RTN4RL1: variants seen among roughly 807,000 people sequenced by gnomAD.
RTN4RL1 encodes reticulon 4 receptor like 1.
In RTN4RL1, 7 loss-of-function variants were observed where a neutral mutation model predicts 25.6. The observed-to-expected ratio is 0.27, with a 90% CI of 0.16 to 0.51. The LOEUF (loss-of-function observed/expected upper bound fraction) is 0.51. Among genes scored for constraint, RTN4RL1 ranks in the 20% least tolerant of loss-of-function variants. RTN4RL1 has a pLI of 0.97. For synonymous variants in RTN4RL1, 297 were observed against 288.2 expected (o/e 1.03, Z -0.31); for missense variants, 500 against 615.6 (o/e 0.81, Z 1.99).
Position 1,936,321 on chromosome 17 carries a change from G to A in RTN4RL1, c.*175C>T. 7.0e-7 allele frequency: 1 copy of A among 1,422,644 alleles called. No homozygotes were observed. Among genetic ancestry groups the A allele is most frequent in the Non-Finnish European group, 9.1e-7 (1 of 1,094,890 alleles). The allele number at this position is 1,422,644 out of a possible 1,614,324, so 88.1% of individuals were successfully genotyped here. On this transcript the variant is annotated 3_prime_UTR_variant, in exon 2 of 2. Coordinates refer to ENST00000331238, the MANE Select transcript of RTN4RL1 (RefSeq NM_178568.4). ...GCGCCACCCCCTCCCGCCTAGGGCT[G>A]TACACTTTGGGTTTATAATCCACAT...
chr17:1,951,412 G>C (rs1915675738), intron 1 of RTN4RL1, among the ~76,000 whole-genome samples: 1 of 152,182 alleles, frequency 6.6e-6, no homozygotes, highest in Admixed American at 6.5e-5. Flanking sequence ...CCAGGAAAGT[G>C]TGGCTTTACC....
intron 1 of RTN4RL1, among the ~76,000 whole-genome samples, chr17:1,999,931 G>A (rs1166096455): frequency 5.3e-5 from 8 of 152,242 alleles, no homozygotes; most frequent in Non-Finnish European, 1.2e-4. Flanking sequence ...CCCCAGGGGG[G>A]CAGGCAGTGG....
chr17:2,014,093 T>C (rs2067087527), intron 1 of RTN4RL1, among the ~76,000 whole-genome samples: 1 of 152,214 alleles, frequency 6.6e-6, no homozygotes, highest in South Asian at 2.1e-4. Context: ...GCTGTGCTTC[T>C]GGGAAAATCT....
intron 1 of RTN4RL1, among the ~76,000 whole-genome samples, chr17:1,941,199 C>T (rs989241361): frequency 2.0e-5 from 3 of 152,170 alleles, no homozygotes; most frequent in African/African-American, 7.2e-5. Context: ...AAGCTAATAG[C>T]GGGTCCCACG....
chr17:1,935,661 G>A lies in RTN4RL1; in HGVS notation c.*835C>T. 1.0e-6 allele frequency: 1 copy of A among 968,496 alleles called. No individual in the cohort carries two copies. Among genetic ancestry groups the A allele is most frequent in the Non-Finnish European group, 1.2e-6 (1 of 823,364 alleles). The allele number at this position is 968,496 out of a possible 1,614,324, so 60.0% of individuals were successfully genotyped here. A position where few individuals can be genotyped will look rare whatever the true frequency, so the allele number is the denominator to read the frequency against. ...AGTTTTCTGTATAGTTTATAAACATGAAAAGACGTACAGTTAGGTAACGGA... is the reference window on the plus strand; with the variant it reads ...AGTTTTCTGTATAGTTTATAAACATAAAAAGACGTACAGTTAGGTAACGGA... On this transcript the variant is annotated 3_prime_UTR_variant, in exon 2 of 2. Coordinates refer to ENST00000331238, the MANE Select transcript of RTN4RL1 (RefSeq NM_178568.4).
chr17:2,021,687 TG>T (rs2067205800), intron 1 of RTN4RL1, among the ~76,000 whole-genome samples: 1 of 151,168 alleles, frequency 6.6e-6, no homozygotes, highest in South Asian at 2.1e-4. Flanking sequence ...CCCAAGGAGC[TG>T]GGATTACAGG....
intron 1 of RTN4RL1, chr17:2,019,580 CT>C: frequency 6.6e-6 from 1 of 152,488 alleles, no homozygotes; most frequent in Non-Finnish European, 1.5e-5. Context: ...CTTCCCCTGC[CT>C]TTTCCTCCTG....
chr17:1,958,310 C>T (rs4609888), intron 1 of RTN4RL1, among the ~76,000 whole-genome samples: 32,256 of 152,162 alleles, frequency 0.21, 3,887 homozygotes, highest in East Asian at 0.53. Flanking sequence ...CCTTAGAGGC[C>T]GCTGCTGCAC....
chr17:1,965,170 C>T (rs2066785122), intron 1 of RTN4RL1, among the ~76,000 whole-genome samples: 2 of 148,956 alleles, frequency 1.3e-5, no homozygotes, highest in African/African-American at 2.5e-5. Context: ...AGTGCAATGG[C>T]GCGATCTCAC....
chr17:1,951,704 C>T (rs1323596830), intron 1 of RTN4RL1, among the ~76,000 whole-genome samples: 2 of 152,036 alleles, frequency 1.3e-5, no homozygotes, highest in East Asian at 1.9e-4. Context: ...CCAGCTGCCT[C>T]GGCCTCCCAA....
rs554376338 is a variant in RTN4RL1 at position 1,969,745 on chromosome 17, A to C, written c.14-31937T>G. Among the ~76,000 whole-genome samples, 3 of 152,288 alleles carry C rather than the reference A, an allele frequency of 2.0e-5. No homozygotes were observed. In the East Asian group the frequency reaches 5.8e-4, roughly 29 times the overall value. ...CATTTGGTTGGTCATTTATTTCCAC[A>C]TGTGTAACAAACCACTCTGAACACG... is the stretch of plus-strand genomic sequence containing the variant. On this transcript the variant is annotated intron_variant, in intron 1 of 1. Coordinates refer to ENST00000331238, the MANE Select transcript of RTN4RL1 (RefSeq NM_178568.4).
At chr17:1,961,797 A>AAAAAAAAAAAAAAAAAAG (rs2066763290) in intron 1 of RTN4RL1, among the ~76,000 whole-genome samples, 1 of 141,630 alleles carries the variant, frequency 7.1e-6, no homozygotes, top group Non-Finnish European at 1.5e-5. Context: ...AAAAAAAAAA[A>AAAAAAAAAAAAAAAAAAG]ATTAGCAGGG....
chr17:1,999,009 CG>C (rs1348219110), intron 1 of RTN4RL1, among the ~76,000 whole-genome samples: 1 of 152,004 alleles, frequency 6.6e-6, no homozygotes, highest in Non-Finnish European at 1.5e-5. Flanking sequence ...ACACACAGGG[CG>C]GGGACCACTC....
intron 1 of RTN4RL1, among the ~76,000 whole-genome samples, chr17:1,991,606 T>C (rs1351231344): frequency 6.6e-6 from 1 of 152,164 alleles, no homozygotes; most frequent in Non-Finnish European, 1.5e-5. Flanking sequence ...AGAAAATTTC[T>C]ATCACATACA....
intron 1 of RTN4RL1, chr17:2,017,872 G>C (rs1288133712): frequency 6.6e-6 from 1 of 152,292 alleles, no homozygotes; most frequent in Non-Finnish European, 1.5e-5. Context: ...CCACAGCGGA[G>C]GAGGCCTCCA....
intron 1 of RTN4RL1, among the ~76,000 whole-genome samples, chr17:1,943,308 C>T (rs905222390): frequency 1.3e-5 from 2 of 152,246 alleles, no homozygotes; most frequent in African/African-American, 2.4e-5. Context: ...CCATCCTGCA[C>T]GTGGTGGGCA....
At chr17:2,023,305 G>A (rs889504783) in intron 1 of RTN4RL1, among the ~76,000 whole-genome samples, 1 of 152,168 alleles carries the variant, frequency 6.6e-6, no homozygotes. Context: ...AGCACTGCTC[G>A]GTTGCTGAAA....
At chr17:2,003,891 C>T (rs1178825461) in intron 1 of RTN4RL1, among the ~76,000 whole-genome samples, 2 of 151,504 alleles carry the variant, frequency 1.3e-5, no homozygotes, top group Non-Finnish European at 2.9e-5. Context: ...GCCAACATGG[C>T]GAAACCTGGT....
At chr17:1,949,325 G>A (rs1270716065) in intron 1 of RTN4RL1, among the ~76,000 whole-genome samples, 1 of 150,152 alleles carries the variant, frequency 6.7e-6, no homozygotes, top group Non-Finnish European at 1.5e-5. Context: ...TCCAACTCCT[G>A]ACCTCAGGTA....
Sources: gnomAD v4.1 joint callset for allele counts (sites outside exome capture counted in the v4.1 genomes callset) on GRCh38, gnomAD v4.1.1 for gene constraint, MANE v1.5 for transcripts, NCBI Gene and HGNC (gene_info 2026-07-23, HGNC 2026-07-21) for gene names.